Variants in BRD3 observed in about 807,000 individuals in gnomAD.
BRD3 encodes the protein bromodomain containing 3, also known as bromodomain-containing protein 3.
A neutral mutation model predicts 66.8 loss-of-function variants in BRD3; 17 were observed. The ratio of observed to expected loss-of-function variants is 0.25; its 90% confidence interval spans 0.17 to 0.38. The LOEUF is 0.38. Ranked by LOEUF, BRD3 falls within the 10% of genes least tolerant of loss-of-function variation. The pLI is 1.00. For synonymous variants in BRD3, 421 were observed against 393.2 expected (o/e 1.07, Z -0.84); for missense variants, 713 against 956.1 (o/e 0.75, Z 3.35).
intron 1 of BRD3, among the ~76,000 whole-genome samples, chr9:134,066,562 GAAA>G (rs35011268): frequency 2.0e-5 from 3 of 148,752 alleles, no homozygotes; most frequent in Non-Finnish European, 3.0e-5. Context: ...ATGGACCCAG[GAAA>G]AAAAAAAAAC....
At chr9:134,062,034 A>G (rs1308135621) in intron 1 of BRD3, among the ~76,000 whole-genome samples, 1 of 152,224 alleles carries the variant, frequency 6.6e-6, no homozygotes, top group African/African-American at 2.4e-5. Context: ...CTGTCAGGGC[A>G]GGGCTGCCTT....
intron 3 of BRD3, 140 bp downstream of exon 3, chr9:134,052,166 T>G: frequency 9.2e-7 from 1 of 1,082,542 alleles, no homozygotes; most frequent in South Asian, 1.6e-5. Context: ...GTGCTGGGAT[T>G]ACAGGTGTGA....
intron 4 of BRD3, 145 bp from the exon 5 acceptor site, chr9:134,050,733 C>T (rs1405228636): frequency 6.0e-6 from 4 of 663,340 alleles, no homozygotes; most frequent in Non-Finnish European, 1.0e-5. Context: ...TGCTGAGATG[C>T]CCCCCATCCT....
chr9:134,040,014 C>G lies in BRD3; in HGVS notation c.1643+20G>C, dbSNP rs369442870. ...TGCTGAGCGCTGGGCTCTTGGAGCCCGAGCAGGTCTGGAGCCCACCTGCCG... is the reference window on the plus strand; with the variant it reads ...TGCTGAGCGCTGGGCTCTTGGAGCCGGAGCAGGTCTGGAGCCCACCTGCCG... On this transcript the variant is annotated intron_variant, in intron 9 of 11. Coordinates refer to ENST00000303407, the MANE Select transcript of BRD3 (RefSeq NM_007371.4). The G allele has an allele frequency of 1.8e-5, 28 of 1,573,712 alleles. No individual in the cohort carries two copies. In the African/African-American group the frequency reaches 3.6e-4, roughly 20 times the overall value.
chr9:134,051,758 C>T, intron 3 of BRD3, 49 bp from the exon 4 acceptor site: 1 of 1,555,622 alleles, frequency 6.4e-7, no homozygotes, highest in South Asian at 1.2e-5. Context: ...GAGCTGTGTG[C>T]TTGCAAAGGA....
upstream of BRD3, chr9:134,068,521 G>A (rs1830719354): frequency 6.7e-6 from 1 of 150,328 alleles, no homozygotes; most frequent in Non-Finnish European, 1.5e-5. Flanking sequence ...CAAACCGCGC[G>A]CCTAATTAGC....
In BRD3 at chr9:134,067,007, G is replaced by A. The variant is rs1340953551; in HGVS notation, c.-114+938C>T. Among the ~76,000 whole-genome samples the A allele has an allele frequency of 2.6e-5, 4 of 152,264 alleles. No homozygotes were observed. In the South Asian group the frequency reaches 6.2e-4, roughly 24 times the overall value. Reference sequence around the variant, plus strand: ...CGGCCCTGCCCCCGAACGAGCAACCGGTGGAATAAGACTTCCCGCACGCCC... The same window carrying A: ...CGGCCCTGCCCCCGAACGAGCAACCAGTGGAATAAGACTTCCCGCACGCCC... On this transcript the variant is annotated intron_variant, in intron 1 of 11. Transcript: ENST00000303407.
chr9:134,050,667 C>G, intron 4 of BRD3, 79 bp from the exon 5 acceptor site: 1 of 1,206,076 alleles, frequency 8.3e-7, no homozygotes, highest in Non-Finnish European at 1.2e-6. Context: ...CCCCTCCAGC[C>G]AGAACACGGG....
rs565555550 is a variant in BRD3, at chr9:134,031,128, C to G, written c.*2462G>C. 1.3e-5 allele frequency: 3 copies of G among 228,540 alleles called. No individual in the cohort carries two copies. The highest frequency in any genetic ancestry group is 1.1e-4 in the Admixed American group (2 of 17,612). The allele number at this position is 228,540 out of a possible 1,614,324, so 14.2% of individuals were successfully genotyped here. A position where few individuals can be genotyped will look rare whatever the true frequency, so the allele number is the denominator to read the frequency against. ...AGCACCAATGCAGCTGCTCAGTGTA[C>G]CCGCCGTGGGCTGTCAGGGTCAGTG... On this transcript the variant is annotated 3_prime_UTR_variant, in exon 12 of 12. Transcript: ENST00000303407.
At chr9:134,046,772 A>G (rs1830179496) in intron 6 of BRD3, among the ~76,000 whole-genome samples, 1 of 152,180 alleles carries the variant, frequency 6.6e-6, no homozygotes, top group Non-Finnish European at 1.5e-5. Flanking sequence ...TCCCCATGCC[A>G]TGCCAGGACA....
At chr9:134,039,832 C>T (rs1830001861) in intron 9 of BRD3, among the ~76,000 whole-genome samples, 1 of 151,766 alleles carries the variant, frequency 6.6e-6, no homozygotes, top group Admixed American at 6.5e-5. Flanking sequence ...CCAGGCCAGC[C>T]CCGCAGACAA....
intron 1 of BRD3, chr9:134,053,887 C>T (rs1830357258): frequency 4.6e-6 from 1 of 217,166 alleles, no homozygotes; most frequent in Non-Finnish European, 9.2e-6. Flanking sequence ...TTGGGGAACA[C>T]ACTGGGAGGC....
intron 6 of BRD3, among the ~76,000 whole-genome samples, chr9:134,047,426 G>A (rs1830195820): frequency 6.6e-6 from 1 of 152,200 alleles, no homozygotes; most frequent in Non-Finnish European, 1.5e-5. Context: ...ACCCGGTGGA[G>A]CTCACCCTGG....
chr9:134,033,997 C>T lies in BRD3; in HGVS notation c.2066-292G>A, dbSNP rs1253607528. On this transcript the variant is annotated intron_variant, in intron 11 of 11. Transcript: ENST00000303407. The surrounding 1 kb of genome is among the most constrained non-coding windows in gnomAD (Gnocchi z 5.1). The stretch of plus-strand genomic sequence containing the variant: ...ACATGGCCACCAGCAGCGACAGGAA[C>T]ACCAGCTGCTGGCGTTTCTGGAGCG... Among the ~76,000 whole-genome samples, 6 of 152,208 alleles carry T rather than the reference C, an allele frequency of 3.9e-5. No homozygotes were observed. Among genetic ancestry groups the T allele is most frequent in the Non-Finnish European group, 8.8e-5 (6 of 68,042 alleles).
At chr9:134,057,993 A>G (rs1359193936) in intron 1 of BRD3, 1 of 152,350 alleles carries the variant, frequency 6.6e-6, no homozygotes, top group East Asian at 1.9e-4. Context: ...CACCCGACAC[A>G]GAGGCCCTGC....
intron 1 of BRD3, chr9:134,054,355 G>A (rs1173992894): frequency 6.6e-6 from 1 of 152,302 alleles, no homozygotes; most frequent in East Asian, 1.9e-4. Context: ...GGCAGGAGGA[G>A]GCCACCGCCA....
intron 1 of BRD3, chr9:134,057,649 G>A (rs988822036): frequency 6.6e-6 from 1 of 152,254 alleles, no homozygotes; most frequent in Non-Finnish European, 1.5e-5. Context: ...AAAGGCTTTG[G>A]GACACAAAGC....
At chr9:134,041,608 G>A (rs1260246206) in intron 8 of BRD3, 152 bp downstream of exon 8, 5 of 1,046,114 alleles carry the variant, frequency 4.8e-6, no homozygotes, top group African/African-American at 3.2e-5. Flanking sequence ...GACCTGGGGA[G>A]GGCACTCCGA....
chr9:134,050,048 A>T (rs1001335665), intron 5 of BRD3, among the ~76,000 whole-genome samples: 6 of 152,176 alleles, frequency 3.9e-5, no homozygotes, highest in African/African-American at 7.2e-5. Flanking sequence ...TGAGCAGGGG[A>T]GGACCGGGAC....
Sources: allele counts gnomAD v4.1 joint callset (sites outside exome capture counted in the v4.1 genomes callset), GRCh38; gene constraint gnomAD v4.1.1; non-coding constraint Gnocchi (gnomAD v3.1); transcripts MANE v1.5; gene names NCBI Gene and HGNC (gene_info 2026-07-23, HGNC 2026-07-21).